Variants in CARMIL1 observed in about 807,000 individuals in gnomAD.
The protein encoded by CARMIL1 is F-actin-uncapping protein LRRC16A.
A neutral mutation model predicts 177.1 loss-of-function variants in CARMIL1; 90 were observed. The ratio of observed to expected loss-of-function variants is 0.51; its 90% CI spans 0.43 to 0.61. CARMIL1 has a LOEUF of 0.61. CARMIL1 is among the 20% of genes least tolerant of loss of function. The pLI is 0.00. For synonymous variants in CARMIL1, 577 were observed against 606.2 expected (o/e 0.95, Z 0.71); for missense variants, 1,380 against 1,667.0 (o/e 0.83, Z 3.00).
intron 8 of CARMIL1, among the ~76,000 whole-genome samples, chr6:25,460,778 G>C (rs1800052218): frequency 1.3e-5 from 2 of 152,156 alleles, no homozygotes; most frequent in African/African-American, 4.8e-5. Context: ...TTTGGTTAGT[G>C]TATTGTCTGT....
intron 2 of CARMIL1, among the ~76,000 whole-genome samples, chr6:25,324,993 T>C (rs933763970): frequency 2.0e-5 from 3 of 151,988 alleles, no homozygotes. Flanking sequence ...GCCTCTTAGG[T>C]CCTGAGCTTT....
At chr6:25,468,827 T>G (rs1458700896) in intron 9 of CARMIL1, among the ~76,000 whole-genome samples, 1 of 152,354 alleles carries the variant, frequency 6.6e-6, no homozygotes, top group East Asian at 1.9e-4. Flanking sequence ...AAATTTGTAT[T>G]ACAGTATTTA....
intron 2 of CARMIL1, among the ~76,000 whole-genome samples, chr6:25,363,010 G>A (rs957232022): frequency 1.3e-5 from 2 of 152,208 alleles, no homozygotes; most frequent in African/African-American, 4.8e-5. Context: ...ACCCCAGCCT[G>A]GGTGACAGAG....
At chr6:25,502,869 A>G (rs1380475331) in intron 17 of CARMIL1, among the ~76,000 whole-genome samples, 1 of 152,184 alleles carries the variant, frequency 6.6e-6, no homozygotes, top group Non-Finnish European at 1.5e-5. Context: ...TTAGACTACT[A>G]AGTATGGTTA....
In CARMIL1 at chr6:25,600,439, G is replaced by A. The variant is rs527331116; in HGVS notation, c.3245G>A (p.Arg1082Gln). ...NLIKSRSKSE[R>Q]PPTILMTEEP... ...ATCAAATCCCGGTCCAAATCCGAGCGACCACCAACGATCTTGATGACAGAA... is the reference window on the plus strand; with the variant it reads ...ATCAAATCCCGGTCCAAATCCGAGCAACCACCAACGATCTTGATGACAGAA... Residue 1082 changes from arginine (R) to glutamine (Q), a missense_variant, in exon 33 of 37, where the codon CGA becomes CAA. Coordinates refer to ENST00000329474, the MANE Select transcript of CARMIL1 (RefSeq NM_017640.6). 33 of 1,613,940 alleles carry A rather than the reference G, an allele frequency of 2.0e-5. No homozygotes were observed. The South Asian group carries it at 2.9e-4, about 14-fold the overall frequency.
At chr6:25,299,762 G>C (rs1192321667) in intron 2 of CARMIL1, among the ~76,000 whole-genome samples, 1 of 151,910 alleles carries the variant, frequency 6.6e-6, no homozygotes, top group East Asian at 2.0e-4. Flanking sequence ...GATCACCTGA[G>C]GTCAGGAGTT....
At chr6:25,529,500 A>G (rs1562254288) in intron 24 of CARMIL1, among the ~76,000 whole-genome samples, 1 of 152,196 alleles carries the variant, frequency 6.6e-6, no homozygotes. Flanking sequence ...ATCACAAGAT[A>G]TTTGAGGAAA....
intron 2 of CARMIL1, among the ~76,000 whole-genome samples, chr6:25,382,550 C>G (rs889828074): frequency 1.1e-4 from 16 of 152,054 alleles, no homozygotes; most frequent in Non-Finnish European, 2.2e-4. Flanking sequence ...GGGTGGCCAG[C>G]TTTTATTCCC....
At chr6:25,437,728 A>G (rs1342415903) in intron 5 of CARMIL1, among the ~76,000 whole-genome samples, 1 of 152,230 alleles carries the variant, frequency 6.6e-6, no homozygotes, top group African/African-American at 2.4e-5. Flanking sequence ...TGTTGTTCAC[A>G]TAGTCTCACA....
At chr6:25,415,938 T>G (rs1306872579) in intron 2 of CARMIL1, among the ~76,000 whole-genome samples, 5 of 137,142 alleles carry the variant, frequency 3.6e-5, no homozygotes, top group Non-Finnish European at 3.1e-5. Context: ...CAAGACGGGG[T>G]GGAGTGTGGG....
chr6:25,323,415 C>T (rs1352333865), intron 2 of CARMIL1, among the ~76,000 whole-genome samples: 11 of 101,276 alleles, frequency 1.1e-4, no homozygotes, highest in African/African-American at 5.2e-4. Flanking sequence ...GAGACCCTGT[C>T]TCTACAAAAA....
At chr6:25,514,148 A>G (rs1805720449) in intron 20 of CARMIL1, among the ~76,000 whole-genome samples, 1 of 152,244 alleles carries the variant, frequency 6.6e-6, no homozygotes, top group South Asian at 2.1e-4. Flanking sequence ...CATGCAAGAC[A>G]AACAAAACCT....
At chr6:25,398,594 A>G (rs1793622999) in intron 2 of CARMIL1, among the ~76,000 whole-genome samples, 2 of 152,234 alleles carry the variant, frequency 1.3e-5, no homozygotes, top group Admixed American at 1.3e-4. Context: ...TATGCAGACG[A>G]CACAGGCTAG....
chr6:25,519,597 A>G lies in CARMIL1; in HGVS notation c.1875-647A>G, dbSNP rs189264382. 2.9e-3 allele frequency among the ~76,000 whole-genome samples: 444 copies of G among 152,360 alleles called. 5 individuals carry two copies. The highest frequency in any genetic ancestry group is 9.6e-3 in the African/African-American group (401 of 41,584). Reference sequence around the variant, plus strand: ...TCATTTGGTTTCTCGAGCCTGGTGGACATTAGCTCTTGAACTCAAGCTGAA... The same window carrying G: ...TCATTTGGTTTCTCGAGCCTGGTGGGCATTAGCTCTTGAACTCAAGCTGAA... On this transcript the variant is annotated intron_variant, in intron 22 of 36. Coordinates refer to ENST00000329474, the MANE Select transcript of CARMIL1 (RefSeq NM_017640.6).
intron 8 of CARMIL1, chr6:25,465,635 T>C: frequency 2.1e-6 from 1 of 467,786 alleles, no homozygotes; most frequent in East Asian, 3.6e-5. Context: ...CAAATTCTGA[T>C]ACCAACCTCT....
At chr6:25,483,181 A>G (rs1802287553) in intron 12 of CARMIL1, among the ~76,000 whole-genome samples, 1 of 152,032 alleles carries the variant, frequency 6.6e-6, no homozygotes, top group African/African-American at 2.4e-5. Context: ...GCTTCTCTCT[A>G]TTTATCTGCA....
At chr6:25,584,338 C>A (rs1324724248) in intron 31 of CARMIL1, among the ~76,000 whole-genome samples, 2 of 148,814 alleles carry the variant, frequency 1.3e-5, no homozygotes, top group Non-Finnish European at 3.0e-5. Flanking sequence ...ACCATGCCAG[C>A]CTTTTTTCCT....
At chr6:25,512,738 A>G (rs574453) in intron 20 of CARMIL1, among the ~76,000 whole-genome samples, 66,370 of 151,996 alleles carry the variant, frequency 0.44, 14,886 homozygotes, top group Middle Eastern at 0.52. Context: ...GTCACCTTCA[A>G]CTATAGACAG....
chr6:25,546,676 A>T (rs74584740), intron 26 of CARMIL1, among the ~76,000 whole-genome samples: 1 of 148,464 alleles, frequency 6.7e-6, no homozygotes. Context: ...CAACAAAAAA[A>T]AAAAAAAAAA....
Sources: allele counts gnomAD v4.1 joint callset (sites outside exome capture counted in the v4.1 genomes callset), GRCh38; gene constraint gnomAD v4.1.1; transcripts MANE v1.5; gene names NCBI Gene and HGNC (gene_info 2026-07-23, HGNC 2026-07-21).